Variants in MASTL observed in about 807,000 individuals in gnomAD.
MASTL encodes the protein microtubule associated serine/threonine kinase like.
In MASTL, 54 loss-of-function variants were observed where a neutral mutation model predicts 82.5. The observed-to-expected ratio is 0.65, with a 90% CI of 0.53 to 0.82. The LOEUF is 0.82. Among genes scored for constraint, MASTL ranks in the 40% least tolerant of loss-of-function variants. MASTL has a pLI of 0.00. For synonymous variants in MASTL, 323 were observed against 368.9 expected, an observed-to-expected ratio of 0.88 and a Z score of 1.43; for missense variants, 950 against 1,047.8, an observed-to-expected ratio of 0.91 and a Z score of 1.29.
chr10:27,155,555 G>A lies in MASTL; in HGVS notation c.129G>A (p.Arg43=). 6.2e-7 allele frequency: 1 copy of A among 1,614,186 alleles called. No homozygotes were observed. Among genetic ancestry groups the A allele is most frequent in the Non-Finnish European group, 8.5e-7 (1 of 1,180,012 alleles). ...TCAGCATAGTGAAGCCCATTAGCCG[G>A]GGCGCCTTCGGGAAAGTGTATCTGG... ...EEFSIVKPIS[R]GAFGKVYLGQ... is the part of the protein sequence containing the mutation. Residue 43 remains arginine, a synonymous_variant, in exon 1 of 12, where the codon CGG becomes CGA. Coordinates refer to ENST00000375940, the MANE Select transcript of MASTL (RefSeq NM_001172303.3).
intron 1 of MASTL, among the ~76,000 whole-genome samples, chr10:27,156,045 C>A (rs750000443): frequency 2.2e-4 from 33 of 152,154 alleles, no homozygotes; most frequent in Non-Finnish European, 4.0e-4. Flanking sequence ...TGCTCTGTTT[C>A]CCAGGCTGGA....
In MASTL at chr10:27,181,488, T is replaced by TA. The variant is rs755814466; in HGVS notation, c.2389_2390insA (p.Trp797Ter). ...TATATGTATAATTTTAGATATCCCT[T>TA]GGCCAGAAGGTGAAGAAAAGTTATC... is the stretch of plus-strand genomic sequence containing the variant. ...FQNILKRDIP[W>*]PEGEEKLSDN... is the part of the protein sequence containing the mutation. The change falls in exon 11 of 12, where the codon TGG becomes TAGG. Residue 797 changes from tryptophan to a stop codon, truncating the protein, a stop_gained and frameshift_variant. Transcript: ENST00000375940. LOFTEE classifies it high-confidence loss of function. 1 of 1,606,570 alleles carries TA rather than the reference T, an allele frequency of 6.2e-7. No homozygotes were observed. Among genetic ancestry groups the TA allele is most frequent in the Non-Finnish European group, 8.5e-7 (1 of 1,173,338 alleles).
At chr10:27,161,533 A>C (rs1385812426) in intron 4 of MASTL, among the ~76,000 whole-genome samples, 2 of 108,686 alleles carry the variant, frequency 1.8e-5, no homozygotes, top group Non-Finnish European at 4.0e-5. Flanking sequence ...CCAACTAAAA[A>C]TAAATATAAA....
upstream of MASTL, chr10:27,154,690 C>T (rs1042480849): frequency 3.0e-5 from 6 of 202,214 alleles, no homozygotes; most frequent in African/African-American, 6.9e-5. Flanking sequence ...CTGCCTCAGC[C>T]TCCCGAGTAG....
intron 9 of MASTL, among the ~76,000 whole-genome samples, chr10:27,179,388 A>C (rs2058202299): frequency 6.6e-6 from 1 of 152,108 alleles, no homozygotes; most frequent in Non-Finnish European, 1.5e-5. Context: ...CCCTGTCTCT[A>C]CTAAAAATAC....
chr10:27,164,677 G>A (rs1197222172), intron 4 of MASTL, among the ~76,000 whole-genome samples: 1 of 151,386 alleles, frequency 6.6e-6, no homozygotes, highest in Non-Finnish European at 1.5e-5. Flanking sequence ...TTGCTCTGTC[G>A]CCCTGGTCGG....
chr10:27,185,127 G>T (rs1257058557), intron 11 of MASTL, among the ~76,000 whole-genome samples: 1 of 152,162 alleles, frequency 6.6e-6, no homozygotes, highest in African/African-American at 2.4e-5. Context: ...GATAAGGATG[G>T]AGCACAGGGA....
At chr10:27,184,527 T>TA (rs2058529552) in intron 11 of MASTL, among the ~76,000 whole-genome samples, 1 of 144,270 alleles carries the variant, frequency 6.9e-6, no homozygotes, top group Non-Finnish European at 1.5e-5. Flanking sequence ...ATTGCCATTA[T>TA]AAAAAACACT....
At chr10:27,165,275 A>G in intron 5 of MASTL, 105 bp downstream of exon 5, 1 of 1,398,398 alleles carries the variant, frequency 7.2e-7, no homozygotes. Context: ...TTAAATATCA[A>G]GCATTTGGAT....
intron 8 of MASTL, 145 bp downstream of exon 8, chr10:27,171,228 C>A: frequency 1.4e-6 from 1 of 715,610 alleles, no homozygotes; most frequent in Non-Finnish European, 2.3e-6. Context: ...GAAGTTTTCA[C>A]CCAGAAAAGT....
At position 27,169,999 on chromosome 10, in the gene MASTL, T is replaced by C. The variant is rs1339073699; in HGVS notation, c.1040T>C (p.Leu347Ser). Residue 347 changes from leucine (L) to serine (S), a missense_variant, in exon 8 of 12, where the codon TTA becomes TCA. Coordinates refer to ENST00000375940, the MANE Select transcript of MASTL (RefSeq NM_001172303.3). The stretch of plus-strand genomic sequence containing the variant: ...ATGAGTTGGAATGCAGTTGAAAAGT[T>C]ATGCGCAAAATCTGCAAATGCCATT... The part of the protein sequence containing the change: ...TMMSWNAVEK[L>S]CAKSANAIET... The C allele has an allele frequency of 6.2e-7, 1 of 1,614,170 alleles. No homozygotes were observed. Among genetic ancestry groups the C allele is most frequent in the Non-Finnish European group, 8.5e-7 (1 of 1,180,034 alleles).
chr10:27,174,517 A>G (rs750918629), intron 9 of MASTL, among the ~76,000 whole-genome samples: 6 of 152,098 alleles, frequency 3.9e-5, no homozygotes, highest in Non-Finnish European at 5.9e-5. Flanking sequence ...ATAAAAATTC[A>G]TTGTTTCACA....
upstream of MASTL, chr10:27,154,487 AC>A: frequency 1.8e-6 from 1 of 551,220 alleles, no homozygotes; most frequent in Non-Finnish European, 3.2e-6. Flanking sequence ...GAAGTAGTTG[AC>A]ATTTACAAGG....
At chr10:27,180,831 T>C in intron 9 of MASTL, 122 bp from the exon 10 acceptor site, 1 of 732,836 alleles carries the variant, frequency 1.4e-6, no homozygotes, top group East Asian at 2.7e-5. Flanking sequence ...TTCTTTTTGC[T>C]TCCCCCTGGT....
chr10:27,170,701 G>A lies in MASTL; in HGVS notation c.1742G>A (p.Ser581Asn), dbSNP rs138041667. The A allele has an allele frequency of 8.3e-5, 134 of 1,613,152 alleles. No homozygotes were observed. Among genetic ancestry groups the A allele is most frequent in the Non-Finnish European group, 1.1e-4 (126 of 1,179,664 alleles). The change falls in exon 8 of 12, where the codon AGT becomes AAT. Residue 581 changes from serine to asparagine, a missense_variant. Physicochemically the swap from Ser to Asn is conservative, Grantham distance 46. Coordinates refer to ENST00000375940, the MANE Select transcript of MASTL (RefSeq NM_001172303.3). ...TTTCCTGGAATTTCTATAATGGAAA[G>A]TCCATTAGAAAGTCAGCCCTTAGAT... ...SSFPGISIME[S>N]PLESQPLDSD...
intron 9 of MASTL, among the ~76,000 whole-genome samples, chr10:27,175,381 C>T (rs1451880756): frequency 6.6e-6 from 1 of 152,006 alleles, no homozygotes; most frequent in African/African-American, 2.4e-5. Context: ...AGGGTTTCTC[C>T]ATGTTGGTCA....
rs1395253244 is a variant in MASTL, at chr10:27,155,363, A to T, written c.-64A>T. 1.3e-6 allele frequency: 2 copies of T among 1,497,224 alleles called. No homozygotes were observed. The highest frequency in any genetic ancestry group is 1.8e-6 in the Non-Finnish European group (2 of 1,109,228). 92.7% of individuals were successfully genotyped at this position (1,497,224 alleles called of 1,614,324 possible). Reference sequence around the variant, plus strand: ...GTGGGCGGAGCCTCACTTTGAACCCAGTTGGCGGGAGTGGCTGCTCGCGGA... The same window carrying T: ...GTGGGCGGAGCCTCACTTTGAACCCTGTTGGCGGGAGTGGCTGCTCGCGGA... On this transcript the variant is annotated 5_prime_UTR_variant, in exon 1 of 12. Coordinates refer to ENST00000375940, the MANE Select transcript of MASTL (RefSeq NM_001172303.3).
chr10:27,158,769 C>A, intron 2 of MASTL, 83 bp downstream of exon 2: 1 of 1,486,384 alleles, frequency 6.7e-7, no homozygotes. Context: ...TGTTTTGGTT[C>A]AGAGTGCTTG....
Position 27,186,596 on chromosome 10 carries a change from A to T in MASTL, c.*60A>T, listed in dbSNP as rs570139166. On this transcript the variant is annotated 3_prime_UTR_variant, in exon 12 of 12. Coordinates refer to ENST00000375940, the MANE Select transcript of MASTL (RefSeq NM_001172303.3). ...ATAGAATGAACTTGCATAATTATAT[A>T]CTCCTTAATACTAGATTGATCTAAG... 1.4e-4 allele frequency: 187 copies of T among 1,338,314 alleles called. 1 individual carries two copies. The African/African-American group carries it at 2.5e-3, about 18-fold the overall frequency. 82.9% of individuals were successfully genotyped at this position (1,338,314 alleles called of 1,614,324 possible). A position where few individuals can be genotyped will look rare whatever the true frequency, so the allele number is the denominator to read the frequency against.
Sources: gnomAD v4.1 joint callset for allele counts (sites outside exome capture counted in the v4.1 genomes callset) on GRCh38, gnomAD v4.1.1 for gene constraint, MANE v1.5 for transcripts, NCBI Gene and HGNC (gene_info 2026-07-23, HGNC 2026-07-21) for gene names.